The following OPA1 variants were observed in gnomAD, a reference collection of about 807,000 sequenced individuals.
OPA1 encodes the protein dynamin-like GTPase OPA1, mitochondrial.
Under a neutral mutation model 152.9 loss-of-function variants are expected in OPA1, and 59 were observed. That is an observed-to-expected ratio of 0.39 (90% confidence interval 0.31 to 0.48). The LOEUF (loss-of-function observed/expected upper bound fraction) is 0.48. Ranked by LOEUF, OPA1 falls within the 20% of genes least tolerant of loss-of-function variation. The pLI is 0.96. For missense variants in OPA1, 1,008 were observed against 1,216.8 expected, an observed-to-expected ratio of 0.83 and a Z score of 2.55; for synonymous variants, 400 against 389.9, an observed-to-expected ratio of 1.03 and a Z score of -0.31.
chr3:193,659,407 A>G, intron 24 of OPA1, 75 bp from the exon 25 acceptor site: 1 of 1,293,934 alleles, frequency 7.7e-7, no homozygotes, highest in South Asian at 1.3e-5. Context: ...TAGTTAAGAA[A>G]GCAAGACCAT....
chr3:193,683,830 ACTT>A (rs1284727938), intron 29 of OPA1, among the ~76,000 whole-genome samples: 5 of 152,168 alleles, frequency 3.3e-5, no homozygotes, highest in Non-Finnish European at 7.4e-5. Context: ...TGTAAACGTA[ACTT>A]AAACGCACCG....
chr3:193,602,510 C>G (rs1457460569), intron 1 of OPA1, among the ~76,000 whole-genome samples: 2 of 152,134 alleles, frequency 1.3e-5, no homozygotes, highest in Non-Finnish European at 2.9e-5. Flanking sequence ...TTTAAGAGAG[C>G]AGGAGAAGCA....
chr3:193,673,536 T>C (rs1718375719), intron 29 of OPA1, among the ~76,000 whole-genome samples: 1 of 152,210 alleles, frequency 6.6e-6, no homozygotes, highest in African/African-American at 2.4e-5. Flanking sequence ...AGTTGCCCCA[T>C]ATTTAGAGTT....
At chr3:193,601,151 G>T (rs537182683) in intron 1 of OPA1, among the ~76,000 whole-genome samples, 178 of 152,194 alleles carry the variant, frequency 1.2e-3, no homozygotes, top group South Asian at 3.5e-3. Flanking sequence ...CCAAATCCAA[G>T]AATTTTCCCA....
chr3:193,684,313 A>T (rs1056049315), intron 29 of OPA1, among the ~76,000 whole-genome samples: 1 of 152,178 alleles, frequency 6.6e-6, no homozygotes, highest in African/African-American at 2.4e-5. Flanking sequence ...AAATAGATGA[A>T]CTGTATGTCC....
At chr3:193,650,696 T>C (rs1382445272) in intron 21 of OPA1, among the ~76,000 whole-genome samples, 1 of 152,188 alleles carries the variant, frequency 6.6e-6, no homozygotes, top group African/African-American at 2.4e-5. Context: ...GGAAGGTTAT[T>C]AGGGGTATAG....
intron 29 of OPA1, among the ~76,000 whole-genome samples, chr3:193,685,863 G>T (rs895966419): frequency 1.3e-5 from 2 of 152,080 alleles, no homozygotes; most frequent in Non-Finnish European, 2.9e-5. Flanking sequence ...AATTCTCCTG[G>T]ACAGATTCCT....
chr3:193,596,365 A>ATTTTC (rs71179314), intron 1 of OPA1, among the ~76,000 whole-genome samples: 1,155 of 67,994 alleles, frequency 0.017, 57 homozygotes, highest in South Asian at 0.041. Context: ...TCTTTTCTTA[A>ATTTTC]TTTTCTTTTC....
chr3:193,629,213 A>C (rs1731683795), intron 7 of OPA1, among the ~76,000 whole-genome samples: 1 of 151,842 alleles, frequency 6.6e-6, no homozygotes, highest in South Asian at 2.1e-4. Flanking sequence ...GCACCTGGCC[A>C]GCTGTCTTTT....
At chr3:193,607,139 T>G (rs569960474) in intron 1 of OPA1, among the ~76,000 whole-genome samples, 1 of 152,354 alleles carries the variant, frequency 6.6e-6, no homozygotes, top group Admixed American at 6.5e-5. Context: ...GTAAGTTTGT[T>G]TGAGTTCTTT....
At chr3:193,616,594 C>G (rs1010551663) in intron 3 of OPA1, among the ~76,000 whole-genome samples, 2 of 152,136 alleles carry the variant, frequency 1.3e-5, no homozygotes, top group African/African-American at 4.8e-5. Context: ...TAGCCAAGTT[C>G]TTTAAAAGTC....
At chr3:193,615,571 T>G in intron 2 of OPA1, 103 bp from the exon 3 acceptor site, 2 of 776,464 alleles carry the variant, frequency 2.6e-6, no homozygotes, top group Non-Finnish European at 4.6e-6. Flanking sequence ...TTGAACATAA[T>G]ACATTATTCT....
intron 28 of OPA1, among the ~76,000 whole-genome samples, chr3:193,666,875 T>C (rs1480694613): frequency 6.6e-6 from 1 of 152,198 alleles, no homozygotes; most frequent in East Asian, 1.9e-4. Context: ...ACCAGGAGTT[T>C]ATTTTCATTG....
At chr3:193,660,268 C>T (rs1577310634) in intron 25 of OPA1, among the ~76,000 whole-genome samples, 2 of 152,172 alleles carry the variant, frequency 1.3e-5, no homozygotes, top group South Asian at 4.1e-4. Context: ...ATTCTTATAG[C>T]TTCTTTTCCT....
chr3:193,625,073 T>C (rs1730840269), intron 6 of OPA1, among the ~76,000 whole-genome samples: 1 of 152,138 alleles, frequency 6.6e-6, no homozygotes, highest in Admixed American at 6.5e-5. Flanking sequence ...AAGAAAACAT[T>C]AGGCTTGTAA....
At chr3:193,606,978 A>G (rs1221134197) in intron 1 of OPA1, among the ~76,000 whole-genome samples, 3 of 152,172 alleles carry the variant, frequency 2.0e-5, no homozygotes, top group African/African-American at 4.8e-5. Flanking sequence ...GTGAGTTGGT[A>G]TCTCATTGTG....
intron 6 of OPA1, among the ~76,000 whole-genome samples, chr3:193,621,693 A>G (rs1385800245): frequency 6.6e-6 from 1 of 152,246 alleles, no homozygotes; most frequent in Non-Finnish European, 1.5e-5. Context: ...GACATACATT[A>G]AAACCACCTC....
chr3:193,609,390 T>G (rs1373748388), intron 1 of OPA1, among the ~76,000 whole-genome samples: 30 of 152,134 alleles, frequency 2.0e-4, no homozygotes, highest in Admixed American at 2.0e-3. Context: ...GCGTGTAGAG[T>G]TTCTGCCGAG....
Position 193,666,381 on chromosome 3 carries a change from A to T in OPA1, c.2864A>T (p.Asn955Ile), listed in dbSNP as rs1293122850. 6.2e-7 allele frequency: 1 copy of T among 1,613,218 alleles called. No homozygotes were observed. Among genetic ancestry groups the T allele is most frequent in the Non-Finnish European group, 8.5e-7 (1 of 1,179,122 alleles). The change falls in exon 28 of 31, where the codon AAT becomes ATT. Residue 955 changes from asparagine to isoleucine, a missense_variant. Coordinates refer to ENST00000361510, the MANE Select transcript of OPA1 (RefSeq NM_130837.3). ...AATACTTTAAGGCAACAACTTACAA[A>T]TACTGAAGGTAAGCCACATAGGGAC... ...TANTLRQQLTNTEVRRLEKNV... is the reference protein window; with the variant it reads ...TANTLRQQLTITEVRRLEKNV...
Sources: allele counts gnomAD v4.1 joint callset (sites outside exome capture counted in the v4.1 genomes callset), GRCh38; gene constraint gnomAD v4.1.1; transcripts MANE v1.5; gene names NCBI Gene and HGNC (gene_info 2026-07-23, HGNC 2026-07-21).